EXOC6B: variants seen among roughly 807,000 people sequenced by gnomAD.
The protein encoded by EXOC6B is SEC15 homolog B.
Under a neutral mutation model 113.5 loss-of-function variants are expected in EXOC6B, and 54 were observed. The ratio of observed to expected loss-of-function variants is 0.48; its 90% CI spans 0.38 to 0.60. EXOC6B has a LOEUF of 0.60. Among genes scored for constraint, EXOC6B ranks in the 20% least tolerant of loss-of-function variants. The pLI is 0.00. For synonymous variants in EXOC6B, 357 were observed against 339.0 expected (o/e 1.05, Z -0.58); for missense variants, 797 against 977.5 (o/e 0.82, Z 2.46).
intron 20 of EXOC6B, among the ~76,000 whole-genome samples, chr2:72,246,081 G>T (rs536886015): frequency 1.4e-4 from 21 of 152,198 alleles, no homozygotes; most frequent in African/African-American, 4.8e-4. Context: ...TAGGGACAGG[G>T]TCTCACTATG....
At position 72,485,026 on chromosome 2, in the gene EXOC6B, T is replaced by A. The variant is rs1699344048; in HGVS notation, c.1666-4276A>T. 2.0e-5 allele frequency among the ~76,000 whole-genome samples: 3 copies of A among 152,174 alleles called. No individual in the cohort carries two copies. In the South Asian group the frequency reaches 6.2e-4, roughly 32 times the overall value. On this transcript the variant is annotated intron_variant, in intron 16 of 21. Transcript: ENST00000272427. ...TCAAATGTTATTTCTTGGTTCTAGA[T>A]CCTTCAGGAATTGCCATACTGTCTT...
chr2:72,496,912 T>C (rs1428311502), intron 13 of EXOC6B, among the ~76,000 whole-genome samples: 2 of 149,940 alleles, frequency 1.3e-5, no homozygotes, highest in African/African-American at 4.9e-5. Flanking sequence ...AAGGCAAAGA[T>C]ATTTTCTGTT....
chr2:72,769,021 G>A (rs868787609), intron 1 of EXOC6B, among the ~76,000 whole-genome samples: 2 of 152,130 alleles, frequency 1.3e-5, no homozygotes, highest in African/African-American at 2.4e-5. Flanking sequence ...AAGTTCTGGA[G>A]ATAGGTGGCA....
chr2:72,673,053 C>CATATA (rs1433351347), intron 6 of EXOC6B, among the ~76,000 whole-genome samples: 1 of 151,894 alleles, frequency 6.6e-6, no homozygotes, highest in East Asian at 1.9e-4. Flanking sequence ...AAAATATGTG[C>CATATA]ATATAATATG....
At chr2:72,300,275 G>A (rs1686426783) in intron 20 of EXOC6B, among the ~76,000 whole-genome samples, 1 of 152,176 alleles carries the variant, frequency 6.6e-6, no homozygotes. Flanking sequence ...GCTGAGCTGT[G>A]GTGGGTTCCG....
intron 17 of EXOC6B, among the ~76,000 whole-genome samples, chr2:72,467,146 G>A (rs929960777): frequency 6.6e-6 from 1 of 152,180 alleles, no homozygotes; most frequent in African/African-American, 2.4e-5. Flanking sequence ...TTTCCATGCT[G>A]TTGCAAATGG....
intron 1 of EXOC6B, among the ~76,000 whole-genome samples, chr2:72,781,840 G>C (rs1558997125): frequency 6.6e-6 from 1 of 151,988 alleles, no homozygotes; most frequent in Non-Finnish European, 1.5e-5. Context: ...AAGGGAAAAA[G>C]AAATATTGAG....
At chr2:72,251,669 T>C (rs1683023958) in intron 20 of EXOC6B, among the ~76,000 whole-genome samples, 1 of 152,204 alleles carries the variant, frequency 6.6e-6, no homozygotes, top group African/African-American at 2.4e-5. Flanking sequence ...TTTCCCCATA[T>C]TGTAATTTTT....
In EXOC6B at chr2:72,283,820, A is replaced by G. The variant is rs1573173157; in HGVS notation, c.2196+51127T>C. 2.6e-5 allele frequency among the ~76,000 whole-genome samples: 4 copies of G among 152,294 alleles called. No homozygotes were observed. In the East Asian group the frequency reaches 7.7e-4, roughly 29 times the overall value. ...GGAAATAACCCAATTATAGCCAGCT[A>G]TAGTACTCCATGTGGAAGAAATATT... On this transcript the variant is annotated intron_variant, in intron 20 of 21. Coordinates refer to ENST00000272427, the MANE Select transcript of EXOC6B (RefSeq NM_015189.3).
chr2:72,275,407 T>A lies in EXOC6B; in HGVS notation c.2196+59540A>T, dbSNP rs921263788. On this transcript the variant is annotated intron_variant, in intron 20 of 21. Transcript: ENST00000272427. The stretch of plus-strand genomic sequence containing the variant: ...GGTAATTACAAAGTTTCCCTAAACA[T>A]GTAGATGCTATATGATTTCCAAATT... Among the ~76,000 whole-genome samples the A allele has an allele frequency of 3.9e-4, 59 of 152,126 alleles. 1 individual carries two copies. The highest frequency in any genetic ancestry group is 1.3e-3 in the African/African-American group (52 of 41,432).
rs554664062 is a variant in EXOC6B at position 72,185,120 on chromosome 2, T to A, written c.2197-933A>T. On this transcript the variant is annotated intron_variant, in intron 20 of 21. Coordinates refer to ENST00000272427, the MANE Select transcript of EXOC6B (RefSeq NM_015189.3). The stretch of plus-strand genomic sequence containing the variant: ...TAAGTAAAACAAACAAATAAAAGCT[T>A]CTAGAAGGGGCACAGTCCCAGACTC... Among the ~76,000 whole-genome samples, 81 of 152,310 alleles carry A rather than the reference T, an allele frequency of 5.3e-4. 1 individual carries two copies. The highest frequency in any genetic ancestry group is 1.9e-3 in the African/African-American group (78 of 41,564).
At chr2:72,674,416 A>G (rs2104514945) in intron 6 of EXOC6B, among the ~76,000 whole-genome samples, 1 of 152,352 alleles carries the variant, frequency 6.6e-6, no homozygotes, top group Admixed American at 6.5e-5. Context: ...CTATCTGAAC[A>G]TTCAGTGTTC....
intron 20 of EXOC6B, among the ~76,000 whole-genome samples, chr2:72,257,267 A>G (rs759503368): frequency 1.3e-5 from 2 of 152,170 alleles, no homozygotes; most frequent in Non-Finnish European, 2.9e-5. Context: ...AAAAAAAACC[A>G]TATCTTTGTT....
chr2:72,366,225 T>C (rs1055165320), intron 19 of EXOC6B, among the ~76,000 whole-genome samples: 1 of 151,592 alleles, frequency 6.6e-6, no homozygotes, highest in African/African-American at 2.4e-5. Flanking sequence ...ACAGGAATAT[T>C]ATGAAGAAAG....
intron 20 of EXOC6B, among the ~76,000 whole-genome samples, chr2:72,197,682 T>TCGGACTGAAGGATTTGAAGG (rs1679256584): frequency 6.6e-6 from 1 of 151,852 alleles, no homozygotes; most frequent in Non-Finnish European, 1.5e-5. Flanking sequence ...CTGTCTCAGG[T>TCGGACTGAAGGATTTGAAGG]CGGACTGAAG....
At chr2:72,333,615 A>G (rs1421600903) in intron 20 of EXOC6B, among the ~76,000 whole-genome samples, 1 of 152,154 alleles carries the variant, frequency 6.6e-6, no homozygotes, top group Non-Finnish European at 1.5e-5. Context: ...CTACATCTAC[A>G]GGTGGAAGGT....
rs961485747 is a variant in EXOC6B at position 72,305,883 on chromosome 2, G to A, written c.2196+29064C>T. ...TAGCTAATTAGATTCAAGTTATCCC[G>A]AGAAACCAGTGAAATAAAAGGGTTA... On this transcript the variant is annotated intron_variant, in intron 20 of 21. Coordinates refer to ENST00000272427, the MANE Select transcript of EXOC6B (RefSeq NM_015189.3). 3.3e-5 allele frequency among the ~76,000 whole-genome samples: 5 copies of A among 152,014 alleles called. No individual in the cohort carries two copies. In the East Asian group the frequency reaches 5.8e-4, roughly 18 times the overall value.
At chr2:72,641,217 C>G (rs970778378) in intron 6 of EXOC6B, among the ~76,000 whole-genome samples, 4 of 152,148 alleles carry the variant, frequency 2.6e-5, no homozygotes, top group Non-Finnish European at 4.4e-5. Context: ...ACTGGTTGGA[C>G]AGTGGGTGCA....
At position 72,442,330 on chromosome 2, in the gene EXOC6B, C is replaced by T. The variant is rs908098301; in HGVS notation, c.1980+22830G>A. Among the ~76,000 whole-genome samples the T allele has an allele frequency of 7.2e-5, 11 of 152,164 alleles. No homozygotes were observed. The South Asian group carries it at 8.3e-4, about 11-fold the overall frequency. ...GGAAAAAGCTGAACACATTCCCCCC[C>T]GCAAAAAATGGCACAAGACAAGGAT... On this transcript the variant is annotated intron_variant, in intron 18 of 21. Transcript: ENST00000272427.
Sources: gnomAD v4.1 joint callset for allele counts (sites outside exome capture counted in the v4.1 genomes callset) on GRCh38, gnomAD v4.1.1 for gene constraint, MANE v1.5 for transcripts, NCBI Gene and HGNC (gene_info 2026-07-23, HGNC 2026-07-21) for gene names.